The following P2RX6 variants were observed in gnomAD, a reference collection of about 807,000 sequenced individuals.
The protein encoded by P2RX6 is P2X purinoceptor 6.
A neutral mutation model predicts 54.2 loss-of-function variants in P2RX6; 62 were observed. The ratio of observed to expected loss-of-function variants is 1.14; its 90% CI spans 0.93 to 1.41. P2RX6 has a LOEUF of 1.41. Among genes scored for constraint, P2RX6 ranks in the 40% most tolerant of loss-of-function variants. The pLI is 0.00. For missense variants in P2RX6, 541 were observed against 566.3 expected, an observed-to-expected ratio of 0.96 and a Z score of 0.45; for synonymous variants, 211 against 231.9, an observed-to-expected ratio of 0.91 and a Z score of 0.82.
At position 21,022,682 on chromosome 22, in the gene P2RX6, T is replaced by C. The variant is rs1452988391; in HGVS notation, c.394T>C (p.Ser132Pro). The change falls in exon 4 of 12, where the codon TCC (serine) becomes CCC (proline). Residue 132 changes from serine to proline, a missense_variant. Transcript: ENST00000413302. Reference sequence around the variant, plus strand: ...GCTCTCTCTCCCACCTCAGCACCCGTCCGTCCCACTGGCTAACTGCTGGGT... The same window carrying C: ...GCTCTCTCTCCCACCTCAGCACCCGCCCGTCCCACTGGCTAACTGCTGGGT... ...QVQGRCPEHP[S>P]VPLANCWVDE... 6.4e-7 allele frequency: 1 copy of C among 1,559,672 alleles called. No individual in the cohort carries two copies. The highest frequency in any genetic ancestry group is 1.2e-5 in the South Asian group (1 of 81,292).
rs765506870 is a variant in P2RX6, at chr22:21,018,034, G to C, written c.361G>C (p.Ala121Pro). The change falls in exon 3 of 12, where the codon GCC becomes CCC. Residue 121 changes from alanine to proline, a missense_variant. Physicochemically the swap from Ala to Pro is conservative, Grantham distance 27. Coordinates refer to ENST00000413302, the MANE Select transcript of P2RX6 (RefSeq NM_005446.5). ...GGTGACCAACTTCCTTGTGACGCCAGCCCAAGTTCAGGGCAGATGCCCAGA... is the reference window on the plus strand; with the variant it reads ...GGTGACCAACTTCCTTGTGACGCCACCCCAAGTTCAGGGCAGATGCCCAGA... ...FLVTNFLVTP[A>P]QVQGRCPEHP... 2 of 1,613,106 alleles carry C rather than the reference G, an allele frequency of 1.2e-6. No individual in the cohort carries two copies. Among genetic ancestry groups the C allele is most frequent in the Non-Finnish European group, 1.7e-6 (2 of 1,179,348 alleles).
chr22:21,017,444 T>C (rs773524148), intron 2 of P2RX6, among the ~76,000 whole-genome samples: 7 of 152,208 alleles, frequency 4.6e-5, no homozygotes, highest in Non-Finnish European at 1.0e-4. Flanking sequence ...GCCCCTGCCA[T>C]GCCAGTGCTG....
At chr22:21,019,032 C>T (rs1047116553) in intron 3 of P2RX6, among the ~76,000 whole-genome samples, 1 of 152,198 alleles carries the variant, frequency 6.6e-6, no homozygotes, top group African/African-American at 2.4e-5. Context: ...TTCACCTTTT[C>T]CCCTTGCCTG....
At chr22:21,019,335 G>C (rs35645663) in intron 3 of P2RX6, among the ~76,000 whole-genome samples, 40,706 of 152,060 alleles carry the variant, frequency 0.27, 7,203 homozygotes, top group Non-Finnish European at 0.4. Context: ...GTTTTTTTGA[G>C]ATGGAGTCTT....
chr22:21,026,247 C>T lies in P2RX6; in HGVS notation c.1051-5C>T, dbSNP rs1928430127. The T allele has an allele frequency of 1.9e-6, 3 of 1,589,464 alleles. No individual in the cohort carries two copies. Among genetic ancestry groups the T allele is most frequent in the African/African-American group, 2.7e-5 (2 of 74,546 alleles). ...TGGAACATGGGTTGGCCCTGCCTCTCCCAGGTCACCTTTTTCTGTGACCTG... is the reference window on the plus strand; with the variant it reads ...TGGAACATGGGTTGGCCCTGCCTCTTCCAGGTCACCTTTTTCTGTGACCTG... On this transcript the variant is annotated splice_region_variant and splice_polypyrimidine_tract_variant and intron_variant, in intron 10 of 11. Transcript: ENST00000413302. The surrounding 1 kb of genome is among the most constrained non-coding windows in gnomAD (Gnocchi z 4.0).
At chr22:21,014,934 G>A (rs1331901317), upstream of P2RX6, 1 of 433,252 alleles carries the variant, frequency 2.3e-6, no homozygotes, top group Non-Finnish European at 4.0e-6. Flanking sequence ...ACCCCAGGAA[G>A]TGAGGCCAGA....
At chr22:21,017,928 G>A (rs1247605896) in intron 2 of P2RX6, 61 bp from the exon 3 acceptor site, 1 of 1,068,904 alleles carries the variant, frequency 9.4e-7, no homozygotes, top group Non-Finnish European at 1.4e-6. Flanking sequence ...CAGGCTGCCG[G>A]CTTCCGGCCT....
intron 3 of P2RX6, among the ~76,000 whole-genome samples, chr22:21,019,009 C>G (rs1926907562): frequency 6.6e-6 from 1 of 152,172 alleles, no homozygotes; most frequent in Non-Finnish European, 1.5e-5. Flanking sequence ...AATGCTGATT[C>G]TCCCCCTGAC....
Position 21,018,026 on chromosome 22 carries a change from T to G in P2RX6, c.353T>G (p.Val118Gly). 1.2e-6 allele frequency: 2 copies of G among 1,613,296 alleles called. No homozygotes were observed. Among genetic ancestry groups the G allele is most frequent in the African/African-American group, 1.3e-5 (1 of 75,032 alleles). The part of the protein sequence containing the change: ...NVFFLVTNFL[V>G]TPAQVQGRCP... ...TTCTTCTTGGTGACCAACTTCCTTGTGACGCCAGCCCAAGTTCAGGGCAGA... is the reference window on the plus strand; with the variant it reads ...TTCTTCTTGGTGACCAACTTCCTTGGGACGCCAGCCCAAGTTCAGGGCAGA... The change falls in exon 3 of 12, where the codon GTG (valine) becomes GGG (glycine). Residue 118 changes from valine (V) to glycine (G), a missense_variant. Around this residue, in one of 2 missense-constraint regions of P2RX6, gnomAD observed 526 missense variants for 531.5 expected, o/e 0.99. Coordinates refer to ENST00000413302, the MANE Select transcript of P2RX6 (RefSeq NM_005446.5).
In P2RX6 at chr22:21,026,644, G is replaced by A. The variant is rs1327318005; in HGVS notation, c.*27G>A. 2 of 1,553,316 alleles carry A rather than the reference G, an allele frequency of 1.3e-6. No homozygotes were observed. The highest frequency in any genetic ancestry group is 4.8e-5 in the East Asian group (2 of 41,426). On this transcript the variant is annotated 3_prime_UTR_variant, in exon 12 of 12. Transcript: ENST00000413302. The surrounding 1 kb of genome is among the most constrained non-coding windows in gnomAD (Gnocchi z 4.0). The stretch of plus-strand genomic sequence containing the variant: ...CGTTCCCTGCTGGTTGAGAGTTGGG[G>A]GCTGGGAAGGGCGGGGCCCTGCCTG...
At chr22:21,011,766 C>T (rs998096146), upstream of P2RX6, among the ~76,000 whole-genome samples, 2 of 152,066 alleles carry the variant, frequency 1.3e-5, no homozygotes, top group Non-Finnish European at 2.9e-5. Flanking sequence ...TCCCCTCTGC[C>T]CCTGACCTCC....
chr22:21,025,498 A>G (rs1348230297), intron 8 of P2RX6, among the ~76,000 whole-genome samples: 1 of 152,148 alleles, frequency 6.6e-6, no homozygotes, highest in Non-Finnish European at 1.5e-5. Context: ...CCCAGTTCCC[A>G]GGGAAGAGTG....
rs935252200 is a variant in P2RX6 at position 21,025,877 on chromosome 22, C to T, written c.963C>T (p.Phe321=). The T allele has an allele frequency of 1.5e-5, 23 of 1,575,752 alleles. No homozygotes were observed. The highest frequency in any genetic ancestry group is 1.9e-5 in the Admixed American group (1 of 53,916). ...RTLLKLYGIR[F]DILVTGQAGK... ...TGCTCAAGCTCTATGGAATCCGCTT[C>T]GACATCCTCGTCACCGGGCAGGTAG... The change falls in exon 9 of 12, where the codon TTC becomes TTT. Residue 321 remains phenylalanine (F), a synonymous_variant. Transcript: ENST00000413302.
upstream of P2RX6, chr22:21,011,530 A>G: frequency 1.4e-6 from 1 of 713,988 alleles, no homozygotes; most frequent in Non-Finnish European, 2.6e-6. Context: ...GTTCACTGTG[A>G]GGGCGGCACA....
Position 21,015,939 on chromosome 22 carries a change from C to T in P2RX6, c.165-3C>T, listed in dbSNP as rs764817986. ...ACCACACTGCCCGACTTCTCCTCCCCAGGTGGGCTCTCCTCGCCAAAAAAG... is the reference window on the plus strand; with the variant it reads ...ACCACACTGCCCGACTTCTCCTCCCTAGGTGGGCTCTCCTCGCCAAAAAAG... On this transcript the variant is annotated splice_polypyrimidine_tract_variant and splice_region_variant and intron_variant, in intron 1 of 11. Transcript: ENST00000413302. 23 of 1,549,446 alleles carry T rather than the reference C, an allele frequency of 1.5e-5. No homozygotes were observed. The highest frequency in any genetic ancestry group is 2.0e-5 in the Admixed American group (1 of 50,970).
In P2RX6 at chr22:21,015,948, T is replaced by G. The variant is rs2007013; in HGVS notation, c.171T>G (p.Ala57=). The change falls in exon 2 of 12, where the codon GCT becomes GCG. Residue 57 remains alanine (A), a synonymous_variant. Coordinates refer to ENST00000413302, the MANE Select transcript of P2RX6 (RefSeq NM_005446.5). The part of the protein sequence containing the change: ...FGIVVYVVGW[A]LLAKKGYQER... The stretch of plus-strand genomic sequence containing the variant: ...CCCGACTTCTCCTCCCCAGGTGGGC[T>G]CTCCTCGCCAAAAAAGGCTACCAGG... The G allele has an allele frequency of 0.11, 163,029 of 1,549,156 alleles. 9,231 individuals are homozygous for G. The highest frequency in any genetic ancestry group is 0.14 in the South Asian group (11,582 of 83,940).
chr22:21,024,841 G>T (rs1338070239), intron 8 of P2RX6, among the ~76,000 whole-genome samples: 9 of 149,728 alleles, frequency 6.0e-5, no homozygotes, highest in Non-Finnish European at 1.2e-4. Context: ...AAAGTGCTGG[G>T]ATTACAGGCA....
chr22:21,019,092 C>T lies in P2RX6; in HGVS notation c.387+1032C>T, dbSNP rs142820075. On this transcript the variant is annotated intron_variant, in intron 3 of 11. Coordinates refer to ENST00000413302, the MANE Select transcript of P2RX6 (RefSeq NM_005446.5). ...TGTCACAGAGCATGCTCATTCTCTC[C>T]AGCTGTGAATTTTGTTTGAACTATT... 1.7e-3 allele frequency among the ~76,000 whole-genome samples: 260 copies of T among 152,258 alleles called. 4 individuals carry two copies. The highest frequency in any genetic ancestry group is 6.0e-3 in the African/African-American group (251 of 41,544).
chr22:21,026,500 C>T lies in P2RX6; in HGVS notation c.1209C>T (p.Leu403=), dbSNP rs1467901221. 2 of 1,597,286 alleles carry T rather than the reference C, an allele frequency of 1.3e-6. No individual in the cohort carries two copies. The highest frequency in any genetic ancestry group is 1.7e-6 in the Non-Finnish European group (2 of 1,172,602). ...LASQARLAEC[L]RRSSAPAPTA... is the part of the protein sequence containing the mutation. Reference sequence around the variant, plus strand: ...CCCAAGCCCGACTGGCCGAGTGCCTCAGACGGAGCTCAGCACCTGCACCCA... The same window carrying T: ...CCCAAGCCCGACTGGCCGAGTGCCTTAGACGGAGCTCAGCACCTGCACCCA... The change falls in exon 12 of 12, where the codon CTC becomes CTT. Residue 403 remains leucine, a synonymous_variant. Coordinates refer to ENST00000413302, the MANE Select transcript of P2RX6 (RefSeq NM_005446.5). The surrounding 1 kb of genome is among the most constrained non-coding windows in gnomAD (Gnocchi z 4.0).
Sources: gnomAD v4.1 joint callset for allele counts (sites outside exome capture counted in the v4.1 genomes callset) on GRCh38, gnomAD v4.1.1 for gene constraint, gnomAD v4.1.1 regional missense constraint, Gnocchi (gnomAD v3.1) non-coding constraint, MANE v1.5 for transcripts, NCBI Gene and HGNC (gene_info 2026-07-23, HGNC 2026-07-21) for gene names.